The following KIAA1191 variants were observed in gnomAD, a reference collection of about 807,000 sequenced individuals.
The protein encoded by KIAA1191 is putative monooxygenase p33MONOX.
In KIAA1191, 22 loss-of-function variants were observed where a neutral mutation model predicts 31.1. That is an observed-to-expected ratio of 0.71 (90% CI 0.51 to 1.01). KIAA1191 has a LOEUF of 1.01. Ranked by LOEUF, KIAA1191 falls within the 50% of genes least tolerant of loss-of-function variation. KIAA1191 has a pLI of 0.00. For synonymous variants in KIAA1191, 130 were observed against 143.9 expected (o/e 0.90, Z 0.69); for missense variants, 319 against 388.0 (o/e 0.82, Z 1.49).
At chr5:176,357,027 T>C (rs4045533) in intron 3 of KIAA1191, 113,185 of 152,122 alleles carry the variant, frequency 0.74, 42,276 homozygotes, top group Middle Eastern at 0.84. Context: ...GCAGTTTGGA[T>C]GGGTGTGGTG....
intron 4 of KIAA1191, among the ~76,000 whole-genome samples, chr5:176,353,027 T>C (rs1189813413): frequency 6.6e-6 from 1 of 152,214 alleles, no homozygotes; most frequent in Non-Finnish European, 1.5e-5. Context: ...GATCTTCCGA[T>C]ATACTATAGT....
chr5:176,352,178 A>C (rs73803605), intron 5 of KIAA1191, among the ~76,000 whole-genome samples: 15,366 of 148,590 alleles, frequency 0.1, 855 homozygotes, highest in Admixed American at 0.14. Context: ...CAAAAAAAAA[A>C]ACAAAAACTG....
Position 176,348,247 on chromosome 5 carries a change from C to T in KIAA1191, c.566+3G>A, listed in dbSNP as rs201849792. ...ACTCGGAAGGGTCACAGGAAGGGCT[C>T]ACCTGGGCCTCTGCTTAGGTGAAGA... On this transcript the variant is annotated splice_donor_region_variant and intron_variant, in intron 7 of 8. Coordinates refer to ENST00000298569, the MANE Select transcript of KIAA1191 (RefSeq NM_020444.5). 5.0e-6 allele frequency: 8 copies of T among 1,613,354 alleles called. No homozygotes were observed. In the East Asian group the frequency reaches 1.3e-4, roughly 27 times the overall value.
At position 176,347,611 on chromosome 5, in the gene KIAA1191, T is replaced by G; in HGVS notation, c.907A>C (p.Thr303Pro). 1 of 1,500,020 alleles carries G rather than the reference T, an allele frequency of 6.7e-7. No homozygotes were observed. Among genetic ancestry groups the G allele is most frequent in the African/African-American group, 1.4e-5 (1 of 71,398 alleles). 92.9% of individuals were successfully genotyped at this position (1,500,020 alleles called of 1,614,324 possible). Residue 303 changes from threonine (T) to proline (P), a missense_variant, in exon 9 of 9, where the codon ACT becomes CCT. Thr to Pro is a conservative substitution (Grantham distance 38). Transcript: ENST00000298569. ...CTGGAAAGAGGGCTCTAGAAGCCAG[T>G]GGGTGTGAGCACATTCAGGTCACGG... ...KPRDLNVLTPTGF is the reference protein window; with the variant it reads ...KPRDLNVLTPPGF
Position 176,350,971 on chromosome 5 carries a change from G to C in KIAA1191, c.335-234C>G, listed in dbSNP as rs190750887. The stretch of plus-strand genomic sequence containing the variant: ...CAAGCTGAAGAGGTTATTCCTAAAG[G>C]GACAGCTGAAGAACCTTGAGGACAA... On this transcript the variant is annotated intron_variant, in intron 5 of 8. Coordinates refer to ENST00000298569, the MANE Select transcript of KIAA1191 (RefSeq NM_020444.5). Among the ~76,000 whole-genome samples the C allele has an allele frequency of 3.7e-3, 562 of 152,130 alleles. 3 individuals carry two copies. The highest frequency in any genetic ancestry group is 0.013 in the African/African-American group (534 of 41,500).
intron 6 of KIAA1191, among the ~76,000 whole-genome samples, chr5:176,349,925 G>A (rs1766843005): frequency 6.6e-6 from 1 of 152,130 alleles, no homozygotes; most frequent in Non-Finnish European, 1.5e-5. Flanking sequence ...ACTTCCATAT[G>A]AGCCCCTTCA....
At chr5:176,352,567 C>T (rs1029960765) in intron 5 of KIAA1191, 55 bp downstream of exon 5, 1 of 1,584,668 alleles carries the variant, frequency 6.3e-7, no homozygotes, top group Admixed American at 1.7e-5. Context: ...TTGTAGGAAG[C>T]CTCAACTCTT....
At chr5:176,358,307 T>C (rs1001694205) in intron 3 of KIAA1191, among the ~76,000 whole-genome samples, 1 of 152,278 alleles carries the variant, frequency 6.6e-6, no homozygotes, top group African/African-American at 2.4e-5. Context: ...TTCTGAATTA[T>C]TATTTGATAA....
At chr5:176,354,003 G>A (rs763219832) in intron 4 of KIAA1191, among the ~76,000 whole-genome samples, 3 of 152,220 alleles carry the variant, frequency 2.0e-5, no homozygotes, top group African/African-American at 4.8e-5. Context: ...AGAGCTGTAG[G>A]GGCACTTTCT....
chr5:176,350,487 AAG>A (rs1766895360), intron 6 of KIAA1191, 124 bp downstream of exon 6: 1 of 1,213,844 alleles, frequency 8.2e-7, no homozygotes, highest in African/African-American at 1.5e-5. Context: ...CTACGAGGCT[AAG>A]AGCTCGGGAG....
chr5:176,350,048 C>T (rs1006833960), intron 6 of KIAA1191, among the ~76,000 whole-genome samples: 3 of 152,192 alleles, frequency 2.0e-5, no homozygotes, highest in Non-Finnish European at 4.4e-5. Context: ...GGCCTCGAAC[C>T]TCAATCTCCT....
chr5:176,355,533 G>T lies in KIAA1191; in HGVS notation c.207+38C>A, dbSNP rs1407600412. The T allele has an allele frequency of 6.3e-7, 1 of 1,588,400 alleles. No individual in the cohort carries two copies. Among genetic ancestry groups the T allele is most frequent in the South Asian group, 1.1e-5 (1 of 88,980 alleles). On this transcript the variant is annotated intron_variant, in intron 4 of 8. Coordinates refer to ENST00000298569, the MANE Select transcript of KIAA1191 (RefSeq NM_020444.5). The surrounding 1 kb of genome is among the most constrained non-coding windows in gnomAD (Gnocchi z 4.2). ...TTCTGGAGCAGAGGAAGGACAAAGGGGTTGCGTATGCCAGAAATGGCCAGC... is the reference window on the plus strand; with the variant it reads ...TTCTGGAGCAGAGGAAGGACAAAGGTGTTGCGTATGCCAGAAATGGCCAGC...
intron 4 of KIAA1191, chr5:176,354,164 C>G (rs1441655664): frequency 6.6e-6 from 1 of 152,228 alleles, no homozygotes; most frequent in Non-Finnish European, 1.5e-5. Flanking sequence ...ATGTGCCAAC[C>G]CTTTACATCC....
In KIAA1191 at chr5:176,350,581, G is replaced by C. The variant is rs147297748; in HGVS notation, c.459+32C>G. ...ACATTTCAAGCCATGAACACTGAAG[G>C]TTTTGTTTTTTCAAAGTTCCTAAGA... On this transcript the variant is annotated intron_variant, in intron 6 of 8. Coordinates refer to ENST00000298569, the MANE Select transcript of KIAA1191 (RefSeq NM_020444.5). 4.3e-6 allele frequency: 7 copies of C among 1,609,294 alleles called. No homozygotes were observed. In the East Asian group the frequency reaches 1.1e-4, roughly 26 times the overall value.
At chr5:176,349,560 C>G (rs1766810351) in intron 6 of KIAA1191, among the ~76,000 whole-genome samples, 1 of 152,076 alleles carries the variant, frequency 6.6e-6, no homozygotes, top group Admixed American at 6.5e-5. Context: ...TAAATCCTAG[C>G]TATTTGGGAG....
intron 4 of KIAA1191, chr5:176,354,208 A>G (rs1398368069): frequency 1.3e-5 from 2 of 152,236 alleles, no homozygotes; most frequent in African/African-American, 4.8e-5. Flanking sequence ...TCTATGACAT[A>G]AGGTATTCCC....
intron 3 of KIAA1191, among the ~76,000 whole-genome samples, chr5:176,356,622 T>C (rs544296270): frequency 6.6e-6 from 1 of 152,314 alleles, no homozygotes; most frequent in East Asian, 1.9e-4. Flanking sequence ...ACGCCCAGCA[T>C]GTCGGGTTGT....
Position 176,355,183 on chromosome 5 carries a change from G to A in KIAA1191, c.207+388C>T, listed in dbSNP as rs895405383. 6.6e-6 allele frequency among the ~76,000 whole-genome samples: 1 copy of A among 151,934 alleles called. No individual in the cohort carries two copies. The highest frequency in any genetic ancestry group is 1.5e-5 in the Non-Finnish European group (1 of 68,012). On this transcript the variant is annotated intron_variant, in intron 4 of 8. Coordinates refer to ENST00000298569, the MANE Select transcript of KIAA1191 (RefSeq NM_020444.5). The surrounding 1 kb of genome is among the most constrained non-coding windows in gnomAD (Gnocchi z 4.2). ...GCTGAGCTTGGATTTAGCTCTGTGG[G>A]GAATATGAAGAGTCTCAGGAGCAGA... is the stretch of plus-strand genomic sequence containing the variant.
Position 176,350,612 on chromosome 5 carries a change from C to G in KIAA1191, c.459+1G>C, listed in dbSNP as rs756432394. The G allele has an allele frequency of 6.2e-7, 1 of 1,613,374 alleles. No individual in the cohort carries two copies. Among genetic ancestry groups the G allele is most frequent in the Non-Finnish European group, 8.5e-7 (1 of 1,179,920 alleles). On this transcript the variant is annotated splice_donor_variant, in intron 6 of 8. Transcript: ENST00000298569. LOFTEE classifies it high-confidence loss of function. ...TTTTTTCAAAGTTCCTAAGAGCTTA[C>G]GTGGAGTGCTTCGGCCACTCGAAGG...
Sources: gnomAD v4.1 joint callset for allele counts (sites outside exome capture counted in the v4.1 genomes callset) on GRCh38, gnomAD v4.1.1 for gene constraint, Gnocchi (gnomAD v3.1) non-coding constraint, MANE v1.5 for transcripts, NCBI Gene and HGNC (gene_info 2026-07-23, HGNC 2026-07-21) for gene names.